MALRD1: variants seen among roughly 807,000 people sequenced by gnomAD.
The protein encoded by MALRD1 is MAM and LDL-receptor class A domain-containing protein 1.
Under a neutral mutation model 242.1 loss-of-function variants are expected in MALRD1, and 247 were observed. That is an observed-to-expected ratio of 1.02 (90% CI 0.92 to 1.13). MALRD1 has a LOEUF of 1.13. Ranked by LOEUF, MALRD1 falls within the 50% of genes most tolerant of loss-of-function variation. The pLI is 0.00. For synonymous variants in MALRD1, 995 were observed against 866.6 expected (o/e 1.15, Z -2.60); for missense variants, 2,989 against 2,533.1 (o/e 1.18, Z -3.86).
chr10:19,278,989 C>G (rs1840673995), intron 19 of MALRD1, among the ~76,000 whole-genome samples: 1 of 152,176 alleles, frequency 6.6e-6, no homozygotes, highest in South Asian at 2.1e-4. Flanking sequence ...TGGGAAGCAA[C>G]AGCCTGGGCT....
intron 29 of MALRD1, among the ~76,000 whole-genome samples, chr10:19,471,639 A>G (rs1406539807): frequency 1.5e-5 from 2 of 131,242 alleles, no homozygotes; most frequent in Admixed American, 7.7e-5. Flanking sequence ...ACTTTTCAGT[A>G]TGCATATATT....
intron 13 of MALRD1, among the ~76,000 whole-genome samples, chr10:19,168,885 C>T (rs1333760271): frequency 6.6e-6 from 1 of 152,114 alleles, no homozygotes; most frequent in Non-Finnish European, 1.5e-5. Flanking sequence ...AAGACTTTTC[C>T]TCTGTGCCTC....
chr10:19,552,145 T>C (rs1020472937), intron 32 of MALRD1, among the ~76,000 whole-genome samples: 5 of 152,092 alleles, frequency 3.3e-5, no homozygotes, highest in African/African-American at 1.2e-4. Flanking sequence ...TCAATTTTTT[T>C]GTATAGTTTC....
At chr10:19,101,250 A>G (rs1836238777) in intron 4 of MALRD1, among the ~76,000 whole-genome samples, 1 of 26,144 alleles carries the variant, frequency 3.8e-5, no homozygotes, top group Non-Finnish European at 6.2e-5. Context: ...TTTGAAATAC[A>G]TATATATATA....
intron 19 of MALRD1, 121 bp from the exon 20 acceptor site, chr10:19,279,926 T>C (rs1352140840): frequency 4.4e-6 from 3 of 686,304 alleles, no homozygotes; most frequent in Non-Finnish European, 6.5e-6. Context: ...TAGCTGATAC[T>C]ACCCACTGTT....
chr10:19,460,546 G>A (rs975265948), intron 29 of MALRD1, among the ~76,000 whole-genome samples: 1 of 151,860 alleles, frequency 6.6e-6, no homozygotes, highest in African/African-American at 2.4e-5. Flanking sequence ...TAGTATTGGA[G>A]CAAGCCACTG....
At position 19,471,564 on chromosome 10, in the gene MALRD1, C is replaced by T. The variant is rs1234017911; in HGVS notation, c.5030-19953C>T. ...CAATATTAATGTTTCAATTCATGAA[C>T]ATGGGATTTCTTCCCAGTTATTTGT... On this transcript the variant is annotated intron_variant, in intron 29 of 39. Coordinates refer to ENST00000454679, the MANE Select transcript of MALRD1 (RefSeq NM_001142308.3). 2.0e-5 allele frequency among the ~76,000 whole-genome samples: 3 copies of T among 150,214 alleles called. No homozygotes were observed. The East Asian group carries it at 5.8e-4, about 29-fold the overall frequency.
At chr10:19,217,286 T>C (rs1837360792) in intron 18 of MALRD1, among the ~76,000 whole-genome samples, 1 of 152,212 alleles carries the variant, frequency 6.6e-6, no homozygotes. Flanking sequence ...CATTTACTGA[T>C]TCCTGTGTGC....
At chr10:19,378,155 A>G (rs74623151) in intron 26 of MALRD1, among the ~76,000 whole-genome samples, 6,201 of 152,240 alleles carry the variant, frequency 0.041, 210 homozygotes, top group African/African-American at 0.092. Flanking sequence ...ATTTTATGCT[A>G]TATGAAAGCT....
At chr10:19,355,362 G>A (rs1844572309) in intron 26 of MALRD1, among the ~76,000 whole-genome samples, 1 of 151,334 alleles carries the variant, frequency 6.6e-6, no homozygotes, top group East Asian at 1.9e-4. Context: ...GAATAAACAA[G>A]AATTTAATAT....
chr10:19,388,712 A>C (rs1846196883), intron 27 of MALRD1, among the ~76,000 whole-genome samples: 1 of 152,122 alleles, frequency 6.6e-6, no homozygotes, highest in Non-Finnish European at 1.5e-5. Flanking sequence ...TTGATGAAGG[A>C]ATAAAGGACA....
chr10:19,281,999 A>G (rs968217533), intron 20 of MALRD1, among the ~76,000 whole-genome samples: 3 of 151,274 alleles, frequency 2.0e-5, no homozygotes, highest in Non-Finnish European at 4.4e-5. Context: ...AACACATAAC[A>G]TGAGATCTAC....
intron 28 of MALRD1, among the ~76,000 whole-genome samples, chr10:19,431,522 T>C (rs1834125911): frequency 6.6e-6 from 1 of 152,250 alleles, no homozygotes; most frequent in East Asian, 1.9e-4. Context: ...TTTATTTTTA[T>C]GTACTGTTAG....
intron 14 of MALRD1, among the ~76,000 whole-genome samples, chr10:19,192,650 A>C (rs542842158): frequency 6.6e-6 from 1 of 152,304 alleles, no homozygotes; most frequent in African/African-American, 2.4e-5. Context: ...ATGAGACCCT[A>C]AGCAGACAGC....
rs1836950766 is a variant in MALRD1 at position 19,209,620 on chromosome 10, G to A, written c.2931G>A (p.Gly977=). Residue 977 remains glycine (G), a synonymous_variant, in exon 18 of 40, where the codon GGG becomes GGA. Coordinates refer to ENST00000454679, the MANE Select transcript of MALRD1 (RefSeq NM_001142308.3). The part of the protein sequence containing the change: ...SRGQLLWQIF[G]NQGNRWIRKH... ...GACAGCTGCTGTGGCAGATATTTGG[G>A]AATCAAGGCAACAGATGGATTAGGA... The A allele has an allele frequency of 6.4e-7, 1 of 1,550,998 alleles. No homozygotes were observed. Among genetic ancestry groups the A allele is most frequent in the Admixed American group, 2.0e-5 (1 of 50,988 alleles).
intron 26 of MALRD1, among the ~76,000 whole-genome samples, chr10:19,384,329 TATATA>T (rs992696111): frequency 5.4e-5 from 7 of 128,578 alleles, no homozygotes; most frequent in East Asian, 2.1e-4. Context: ...TATTATAGTA[TATATA>T]ATATAATTAC....
chr10:19,634,195 A>C (rs1840029893), intron 36 of MALRD1, among the ~76,000 whole-genome samples: 1 of 152,070 alleles, frequency 6.6e-6, no homozygotes, highest in Non-Finnish European at 1.5e-5. Flanking sequence ...AGCACACTGA[A>C]ATCAAAAAGT....
chr10:19,551,027 T>A (rs979264391), intron 32 of MALRD1, among the ~76,000 whole-genome samples: 1 of 152,202 alleles, frequency 6.6e-6, no homozygotes, highest in Non-Finnish European at 1.5e-5. Context: ...TGAGATGATA[T>A]CTCATTGTGG....
At chr10:19,430,111 C>CTTT (rs1156254998) in intron 28 of MALRD1, among the ~76,000 whole-genome samples, 1,234 of 83,378 alleles carry the variant, frequency 0.015, 160 homozygotes, top group African/African-American at 0.055. Flanking sequence ...CTCCATTTTC[C>CTTT]TTTTTTTTTT....
Sources: gnomAD v4.1 joint callset for allele counts (sites outside exome capture counted in the v4.1 genomes callset) on GRCh38, gnomAD v4.1.1 for gene constraint, MANE v1.5 for transcripts, NCBI Gene and HGNC (gene_info 2026-07-23, HGNC 2026-07-21) for gene names.